The following OSBPL10 variants were observed in gnomAD, a reference collection of about 807,000 sequenced individuals.
The protein encoded by OSBPL10 is oxysterol-binding protein-related protein 10.
Under a neutral mutation model 81.7 loss-of-function variants are expected in OSBPL10, and 49 were observed. The observed-to-expected ratio is 0.60, with a 90% confidence interval of 0.48 to 0.76. The LOEUF is 0.76. Ranked by LOEUF, OSBPL10 falls within the 30% of genes least tolerant of loss-of-function variation. The pLI is 0.00. For synonymous variants in OSBPL10, 419 were observed against 383.6 expected (o/e 1.09, Z -1.08); for missense variants, 923 against 987.8 (o/e 0.93, Z 0.88).
intron 1 of OSBPL10, among the ~76,000 whole-genome samples, chr3:31,965,729 ATATT>A (rs1431985935): frequency 1.4e-5 from 1 of 74,060 alleles, no homozygotes; most frequent in Admixed American, 2.6e-4. Context: ...AATATAATAT[ATATT>A]ATCTATTTAT....
At chr3:31,994,952 AC>A (rs1402770649) in intron 2 of OSBPL10, among the ~76,000 whole-genome samples, 2 of 152,190 alleles carry the variant, frequency 1.3e-5, no homozygotes, top group Admixed American at 1.3e-4. Flanking sequence ...TATTGGTAGG[AC>A]CATGATGCCC....
chr3:31,944,979 C>T (rs750931991), intron 1 of OSBPL10, among the ~76,000 whole-genome samples: 1 of 151,106 alleles, frequency 6.6e-6, no homozygotes, highest in Non-Finnish European at 1.5e-5. Context: ...AGTGAAACCC[C>T]GTCTCTACTA....
At chr3:32,057,846 A>G (rs552696989) in intron 1 of OSBPL10, among the ~76,000 whole-genome samples, 2 of 152,284 alleles carry the variant, frequency 1.3e-5, no homozygotes, top group East Asian at 1.9e-4. Context: ...CAGGTGGGGG[A>G]CCAACCCAGG....
intron 6 of OSBPL10, among the ~76,000 whole-genome samples, chr3:31,713,122 C>T (rs879903754): frequency 4.6e-5 from 7 of 152,212 alleles, no homozygotes; most frequent in Middle Eastern, 6.3e-3. Flanking sequence ...CACATAACTC[C>T]TAAGCTGAAA....
rs1699310081 is a variant in OSBPL10 at position 32,015,938 on chromosome 3, A to C, written n.298+30553T>G. ...TTAGAATGGCGATCATTAAAAAGTC[A>C]GGGAACAACAGGTGCTGGAGAGGAT... On this transcript the variant is annotated intron_variant and non_coding_transcript_variant, in intron 2 of 3. Transcript: ENST00000479173. Among the ~76,000 whole-genome samples the C allele has an allele frequency of 5.3e-5, 8 of 152,368 alleles. No individual in the cohort carries two copies. The South Asian group carries it at 1.7e-3, about 32-fold the overall frequency.
At chr3:32,020,913 C>T (rs1699358547) in intron 2 of OSBPL10, among the ~76,000 whole-genome samples, 1 of 152,200 alleles carries the variant, frequency 6.6e-6, no homozygotes, top group South Asian at 2.1e-4. Context: ...TCTCAGAGTT[C>T]TGGAGGCTGG....
intron 1 of OSBPL10, among the ~76,000 whole-genome samples, chr3:31,930,842 G>A (rs914499105): frequency 5.3e-5 from 8 of 151,468 alleles, no homozygotes; most frequent in African/African-American, 1.7e-4. Flanking sequence ...GTGAAACCCC[G>A]CCTCTACTAA....
intron 4 of OSBPL10, among the ~76,000 whole-genome samples, chr3:31,796,797 A>G (rs750121567): frequency 6.6e-6 from 1 of 152,042 alleles, no homozygotes; most frequent in African/African-American, 2.4e-5. Flanking sequence ...TACACACCCA[A>G]TGAGGGCTTT....
At chr3:31,799,228 C>T (rs944945299) in intron 4 of OSBPL10, among the ~76,000 whole-genome samples, 6 of 151,818 alleles carry the variant, frequency 4.0e-5, no homozygotes, top group African/African-American at 1.5e-4. Flanking sequence ...TATGCCAAGA[C>T]CAAACAGAGT....
At chr3:31,931,563 GC>G (rs1697251660) in intron 1 of OSBPL10, among the ~76,000 whole-genome samples, 1 of 152,138 alleles carries the variant, frequency 6.6e-6, no homozygotes, top group Non-Finnish European at 1.5e-5. Context: ...CTTACAGAAT[GC>G]CACGCTCCTT....
chr3:32,039,528 G>A (rs1018064635), intron 2 of OSBPL10, among the ~76,000 whole-genome samples: 1 of 150,266 alleles, frequency 6.7e-6, no homozygotes, highest in Non-Finnish European at 1.5e-5. Context: ...GTGTGTTGGT[G>A]GGCACCTGTA....
chr3:31,727,421 T>A (rs899142095), intron 6 of OSBPL10, among the ~76,000 whole-genome samples: 7 of 152,078 alleles, frequency 4.6e-5, no homozygotes, highest in African/African-American at 1.7e-4. Flanking sequence ...TTCTACAGAT[T>A]CTTGGAAGGA....
intron 3 of OSBPL10, among the ~76,000 whole-genome samples, chr3:31,862,309 T>C (rs1701075767): frequency 6.6e-6 from 1 of 152,166 alleles, no homozygotes; most frequent in Non-Finnish European, 1.5e-5. Flanking sequence ...CACATAGACA[T>C]GCAAAGTATA....
rs72854177 is a variant in OSBPL10, at chr3:31,994,735, G to A, written n.298+51756C>T. 9.2e-3 allele frequency among the ~76,000 whole-genome samples: 1,408 copies of A among 152,270 alleles called. 26 individuals carry two copies. The highest frequency in any genetic ancestry group is 0.032 in the African/African-American group (1,327 of 41,554). On this transcript the variant is annotated intron_variant and non_coding_transcript_variant, in intron 2 of 3. Coordinates refer to the OSBPL10 transcript ENST00000479173. Reference sequence around the variant, plus strand: ...AAACACCAGATATGTTACTGCCAAAGGAAGAAACAGTCTAGATATTCATGT... The same window carrying A: ...AAACACCAGATATGTTACTGCCAAAAGAAGAAACAGTCTAGATATTCATGT...
intron 4 of OSBPL10, among the ~76,000 whole-genome samples, chr3:31,814,622 A>G (rs1378815609): frequency 6.6e-6 from 1 of 152,198 alleles, no homozygotes; most frequent in Non-Finnish European, 1.5e-5. Context: ...AGGCTAGGAC[A>G]GGCATGGAAC....
chr3:31,673,322 A>G (rs1700374202), intron 8 of OSBPL10, among the ~76,000 whole-genome samples: 1 of 152,198 alleles, frequency 6.6e-6, no homozygotes, highest in South Asian at 2.1e-4. Context: ...ACTTCTTTGA[A>G]TTGGGTTGAG....
chr3:31,737,073 T>C (rs1697197523), intron 5 of OSBPL10, among the ~76,000 whole-genome samples: 1 of 152,112 alleles, frequency 6.6e-6, no homozygotes, highest in African/African-American at 2.4e-5. Context: ...CTGGCAGTGG[T>C]AGGCTGTATC....
At chr3:31,967,446 C>T (rs1047247171) in intron 1 of OSBPL10, among the ~76,000 whole-genome samples, 1 of 151,770 alleles carries the variant, frequency 6.6e-6, no homozygotes, top group African/African-American at 2.4e-5. Context: ...CACCACTGCA[C>T]TCCAGCGTGG....
At chr3:31,856,932 T>G (rs1195176517) in intron 3 of OSBPL10, among the ~76,000 whole-genome samples, 1 of 152,156 alleles carries the variant, frequency 6.6e-6, no homozygotes, top group Admixed American at 6.5e-5. Flanking sequence ...AAAAATTAGC[T>G]GGGCATGGTG....
Sources: allele counts gnomAD v4.1 joint callset (sites outside exome capture counted in the v4.1 genomes callset), GRCh38; gene constraint gnomAD v4.1.1; transcripts MANE v1.5; gene names NCBI Gene and HGNC (gene_info 2026-07-23, HGNC 2026-07-21).